POLDIP3: variants seen among roughly 807,000 people sequenced by gnomAD.
POLDIP3 encodes the protein DNA polymerase delta interacting protein 3.
In POLDIP3, 14 loss-of-function variants were observed where a neutral mutation model predicts 45.1. That is an observed-to-expected ratio of 0.31 (90% CI 0.20 to 0.49). The LOEUF is 0.49. Ranked by LOEUF, POLDIP3 falls within the 20% of genes least tolerant of loss-of-function variation. The pLI is 0.99. For missense variants in POLDIP3, 511 were observed against 538.8 expected, an observed-to-expected ratio of 0.95 and a Z score of 0.51; for synonymous variants, 223 against 205.2, an observed-to-expected ratio of 1.09 and a Z score of -0.74.
At chr22:42,589,773 G>T (rs910397561) in intron 7 of POLDIP3, among the ~76,000 whole-genome samples, 4 of 151,496 alleles carry the variant, frequency 2.6e-5, no homozygotes, top group African/African-American at 9.7e-5. Context: ...GAACCCGGGA[G>T]GCAGAGGTTG....
At chr22:42,610,905 CAAAT>C (rs1927080555) in intron 1 of POLDIP3, among the ~76,000 whole-genome samples, 1 of 152,088 alleles carries the variant, frequency 6.6e-6, no homozygotes, top group Non-Finnish European at 1.5e-5. Flanking sequence ...GATCCTGTCT[CAAAT>C]AAATAAAGGA....
At position 42,614,872 on chromosome 22, in the gene POLDIP3, C is replaced by T. The variant is rs202123654; in HGVS notation, c.-15G>A. The T allele has an allele frequency of 6.2e-7, 1 of 1,613,182 alleles. No homozygotes were observed. Among genetic ancestry groups the T allele is most frequent in the East Asian group, 2.2e-5 (1 of 44,812 alleles). ...ATGTCCGCCATCTTGCTCCGCCGAG[C>T]AAGCCGAAAGCAGTCGAGACCCCGC... On this transcript the variant is annotated 5_prime_UTR_variant, in exon 1 of 9. Coordinates refer to ENST00000252115, the MANE Select transcript of POLDIP3 (RefSeq NM_032311.5).
At chr22:42,614,088 G>A (rs1927301123) in intron 1 of POLDIP3, among the ~76,000 whole-genome samples, 1 of 152,174 alleles carries the variant, frequency 6.6e-6, no homozygotes, top group South Asian at 2.1e-4. Context: ...TCAAGCCCAT[G>A]TAGGAGGCCA....
intron 1 of POLDIP3, among the ~76,000 whole-genome samples, chr22:42,605,390 C>T (rs568584075): frequency 1.3e-3 from 193 of 152,332 alleles, no homozygotes; most frequent in Middle Eastern, 6.8e-3. Flanking sequence ...GCCTCCAAAG[C>T]GTTACGATTA....
intron 1 of POLDIP3, chr22:42,603,452 C>T: frequency 5.9e-6 from 2 of 336,856 alleles, no homozygotes; most frequent in Non-Finnish European, 1.1e-5. Context: ...CCAACATGGA[C>T]AATAACTTCC....
At chr22:42,613,628 G>A (rs1927265275) in intron 1 of POLDIP3, among the ~76,000 whole-genome samples, 1 of 152,096 alleles carries the variant, frequency 6.6e-6, no homozygotes. Flanking sequence ...GGGCGTGGTG[G>A]TGCACACCTG....
intron 1 of POLDIP3, among the ~76,000 whole-genome samples, chr22:42,609,101 C>A (rs548104297): frequency 4.3e-4 from 66 of 152,316 alleles, no homozygotes; most frequent in African/African-American, 1.5e-3. Flanking sequence ...GTTACCCTCC[C>A]GCTTCTAGAA....
At chr22:42,614,624 G>A (rs1380775354) in intron 1 of POLDIP3, among the ~76,000 whole-genome samples, 175 bp downstream of exon 1, 1 of 152,128 alleles carries the variant, frequency 6.6e-6, no homozygotes, top group Admixed American at 6.5e-5. Context: ...CTCGGCCAGT[G>A]GGCGGGCGGT....
chr22:42,614,162 A>C (rs1927308158), intron 1 of POLDIP3, among the ~76,000 whole-genome samples: 1 of 152,108 alleles, frequency 6.6e-6, no homozygotes, highest in African/African-American at 2.4e-5. Context: ...CGGGCAAGTC[A>C]CTCTACCACT....
At chr22:42,611,893 T>G (rs765893973) in intron 1 of POLDIP3, among the ~76,000 whole-genome samples, 2 of 151,978 alleles carry the variant, frequency 1.3e-5, no homozygotes, top group Non-Finnish European at 2.9e-5. Flanking sequence ...AATAAAGAAA[T>G]AAAATAAAAA....
Position 42,599,752 on chromosome 22 carries a change from G to T in POLDIP3, c.579C>A (p.Ser193=), listed in dbSNP as rs150765811. ...CAAACTTCATCTGTTTAGTAGGAACGGAAGCTATACCATCATCATCTTCAT... is the reference window on the plus strand; with the variant it reads ...CAAACTTCATCTGTTTAGTAGGAACTGAAGCTATACCATCATCATCTTCAT... ...DLDEDDDGIA[S]VPTKQMKFAA... Residue 193 remains serine (S), a synonymous_variant, in exon 4 of 9, where the codon TCC becomes TCA. Transcript: ENST00000252115. The T allele has an allele frequency of 1.2e-6, 2 of 1,612,274 alleles. No individual in the cohort carries two copies. The highest frequency in any genetic ancestry group is 3.3e-4 in the Middle Eastern group (2 of 6,056).
chr22:42,614,534 C>A (rs1387954322), intron 1 of POLDIP3, among the ~76,000 whole-genome samples: 1 of 152,124 alleles, frequency 6.6e-6, no homozygotes, highest in Non-Finnish European at 1.5e-5. Context: ...CCCCAGGGGG[C>A]AGCCCCTCAG....
At position 42,596,315 on chromosome 22, in the gene POLDIP3, G is replaced by A. The variant is rs773384583; in HGVS notation, c.684C>T (p.Thr228=). 1.9e-6 allele frequency: 3 copies of A among 1,614,106 alleles called. No individual in the cohort carries two copies. Among genetic ancestry groups the A allele is most frequent in the Non-Finnish European group, 2.5e-6 (3 of 1,179,980 alleles). Reference sequence around the variant, plus strand: ...TGTATGCATCATTCTGAACCACTTTGGTGAGAGGGAGGGCCTTGGACATGG... The same window carrying A: ...TGTATGCATCATTCTGAACCACTTTAGTGAGAGGGAGGGCCTTGGACATGG... ...KLSMSKALPL[T]KVVQNDAYTA... is the part of the protein sequence containing the mutation. The change falls in exon 5 of 9, where the codon ACC becomes ACT. Residue 228 remains threonine, a synonymous_variant. Coordinates refer to ENST00000252115, the MANE Select transcript of POLDIP3 (RefSeq NM_032311.5).
chr22:42,587,496 TG>T lies in POLDIP3; in HGVS notation c.1088+9del. Reference sequence around the variant, plus strand: ...CTGCCTCTCCCCAGCACCCCGCCTTTGGAACTCACAGCAGGATGGGCTGGTC... The same window carrying T: ...CTGCCTCTCCCCAGCACCCCGCCTTTGAACTCACAGCAGGATGGGCTGGTC... On this transcript the variant is annotated intron_variant, in intron 8 of 8. Coordinates refer to ENST00000252115, the MANE Select transcript of POLDIP3 (RefSeq NM_032311.5). 1 of 1,612,106 alleles carries T rather than the reference TG, an allele frequency of 6.2e-7. No individual in the cohort carries two copies.
chr22:42,602,174 A>C, intron 2 of POLDIP3, 118 bp from the exon 3 acceptor site: 3 of 1,487,866 alleles, frequency 2.0e-6, no homozygotes, highest in Non-Finnish European at 2.8e-6. Context: ...GGTAAAAGGC[A>C]CTACAGAGGG....
chr22:42,609,075 A>C (rs529883714), intron 1 of POLDIP3, among the ~76,000 whole-genome samples: 3 of 152,230 alleles, frequency 2.0e-5, no homozygotes, highest in Non-Finnish European at 4.4e-5. Context: ...GGTCTCTAAA[A>C]CACAGACTCA....
At position 42,585,924 on chromosome 22, in the gene POLDIP3, G is replaced by C. The variant is rs754543004; in HGVS notation, c.1133C>G (p.Pro378Arg). Residue 378 changes from proline (P) to arginine (R), a missense_variant, in exon 9 of 9, where the codon CCT (proline) becomes CGT (arginine). By Grantham distance (103) the Pro-to-Arg change is moderately radical. Transcript: ENST00000252115. ...SPSMKKESEL[P>R]RRVNSASSSN... ...GGAGGAGGCAGAGTTCACCCTGCGA[G>C]GCAGCTCGCTCTCCTTTTTCATTGA... 1 of 1,613,590 alleles carries C rather than the reference G, an allele frequency of 6.2e-7. No homozygotes were observed. The highest frequency in any genetic ancestry group is 2.2e-5 in the East Asian group (1 of 44,878).
intron 6 of POLDIP3, among the ~76,000 whole-genome samples, chr22:42,594,876 T>C (rs1158722605): frequency 1.3e-5 from 2 of 152,210 alleles, no homozygotes; most frequent in African/African-American, 2.4e-5. Flanking sequence ...AACACAACTA[T>C]TGGATACTGC....
At chr22:42,596,894 A>T (rs1479605384) in intron 4 of POLDIP3, among the ~76,000 whole-genome samples, 1 of 152,136 alleles carries the variant, frequency 6.6e-6, no homozygotes, top group Non-Finnish European at 1.5e-5. Context: ...TGGAGTAGCC[A>T]TTCTTTTATT....
Sources: gnomAD v4.1 joint callset for allele counts (sites outside exome capture counted in the v4.1 genomes callset) on GRCh38, gnomAD v4.1.1 for gene constraint, MANE v1.5 for transcripts, NCBI Gene and HGNC (gene_info 2026-07-23, HGNC 2026-07-21) for gene names.